Variants in TCF4 observed in about 807,000 individuals in gnomAD.
The protein encoded by TCF4 is transcription factor 4.
In TCF4, 3 loss-of-function variants were observed where a neutral mutation model predicts 82.1. The ratio of observed to expected loss-of-function variants is 0.04; its 90% confidence interval spans 0.02 to 0.09. The LOEUF (loss-of-function observed/expected upper bound fraction) is 0.09. TCF4 is among the 10% of genes least tolerant of loss of function. The probability of loss-of-function intolerance (pLI) is 1.00; values close to 1 mark genes in which losing one functional copy is unlikely to be tolerated. For missense variants in TCF4, 518 were observed against 852.7 expected (o/e 0.61, Z 4.89); for synonymous variants, 276 against 309.6 (o/e 0.89, Z 1.14).
rs2046771637 is a variant in TCF4, at chr18:55,227,685, T to C, written c.*350A>G. The C allele has an allele frequency of 6.6e-6, 1 of 152,512 alleles. No homozygotes were observed. Among genetic ancestry groups the C allele is most frequent in the Non-Finnish European group, 1.5e-5 (1 of 68,026 alleles). The allele number at this position is 152,512 out of a possible 1,614,324, so 9.4% of individuals were successfully genotyped here. A position where few individuals can be genotyped will look rare whatever the true frequency, so the allele number is the denominator to read the frequency against. ...GACTTACAAATTAATTATATTTTTT[T>C]TTTCCAAAAGAAGTTTAGGCACAAA... On this transcript the variant is annotated 3_prime_UTR_variant, in exon 20 of 20. Coordinates refer to ENST00000354452, the MANE Select transcript of TCF4 (RefSeq NM_001083962.2).
At chr18:55,569,949 C>G (rs2097446548) in intron 3 of TCF4, among the ~76,000 whole-genome samples, 1 of 152,038 alleles carries the variant, frequency 6.6e-6, no homozygotes, top group Admixed American at 6.6e-5. Flanking sequence ...AGCCCAAAGT[C>G]AAATGTGTAC....
chr18:55,239,346 T>C (rs899228605), intron 15 of TCF4, among the ~76,000 whole-genome samples: 1 of 152,146 alleles, frequency 6.6e-6, no homozygotes, highest in Non-Finnish European at 1.5e-5. Context: ...CCAAGAATGG[T>C]GAAGTGACTT....
At chr18:55,344,795 G>A (rs1218055052) in intron 8 of TCF4, among the ~76,000 whole-genome samples, 1 of 152,140 alleles carries the variant, frequency 6.6e-6, no homozygotes, top group East Asian at 1.9e-4. Flanking sequence ...CTTTCTGGGG[G>A]AAGGAATGAA....
chr18:55,412,680 G>A (rs2094396283), intron 5 of TCF4, among the ~76,000 whole-genome samples: 1 of 152,162 alleles, frequency 6.6e-6, no homozygotes, highest in Non-Finnish European at 1.5e-5. Context: ...GGAGATGGGT[G>A]ACATTTCTGG....
At chr18:55,629,693 A>G (rs2097729801) in intron 2 of TCF4, among the ~76,000 whole-genome samples, 2 of 152,224 alleles carry the variant, frequency 1.3e-5, no homozygotes. Flanking sequence ...TAGAAACTAC[A>G]AAGCTGTTCT....
At chr18:55,351,296 TA>T (rs1226091529) in intron 6 of TCF4, 4 of 356,356 alleles carry the variant, frequency 1.1e-5, no homozygotes, top group African/African-American at 8.6e-5. Flanking sequence ...AAATGGCATT[TA>T]TATAAGACTA....
At chr18:55,536,330 T>C (rs2097114210) in intron 3 of TCF4, among the ~76,000 whole-genome samples, 1 of 152,238 alleles carries the variant, frequency 6.6e-6, no homozygotes, top group Non-Finnish European at 1.5e-5. Flanking sequence ...CGTACATTCA[T>C]ATTTAACAAC....
intron 6 of TCF4, among the ~76,000 whole-genome samples, chr18:55,391,164 A>T (rs945282441): frequency 6.6e-6 from 1 of 152,170 alleles, no homozygotes; most frequent in Admixed American, 6.5e-5. Flanking sequence ...CACTCTACAC[A>T]TGACAGTTCT....
chr18:55,350,025 T>C (rs1412884943), intron 8 of TCF4, among the ~76,000 whole-genome samples: 1 of 152,186 alleles, frequency 6.6e-6, no homozygotes. Flanking sequence ...ATCATAATAC[T>C]GACAAAGAAT....
intron 2 of TCF4, among the ~76,000 whole-genome samples, chr18:55,627,952 C>T (rs768420669): frequency 1.3e-5 from 2 of 151,930 alleles, no homozygotes; most frequent in Admixed American, 6.6e-5. Flanking sequence ...CCCAGCTACT[C>T]GGGAGACTGA....
intron 6 of TCF4, among the ~76,000 whole-genome samples, chr18:55,400,036 C>G (rs897661297): frequency 2.0e-5 from 3 of 151,792 alleles, no homozygotes; most frequent in African/African-American, 4.8e-5. Context: ...GAAGTAATAA[C>G]AAGTATTTGT....
chr18:55,345,978 T>C (rs1011042337), intron 8 of TCF4, among the ~76,000 whole-genome samples: 7 of 152,192 alleles, frequency 4.6e-5, no homozygotes, highest in Admixed American at 4.6e-4. Context: ...AAAAACAGTT[T>C]ACCAATATCT....
chr18:55,232,659 C>A lies in TCF4; in HGVS notation c.1499G>T (p.Gly500Val), dbSNP rs2048222745. ...PQDPYRGMPP[G>V]LQGQSVSSGS... Reference sequence around the variant, plus strand: ...AGAGGAGACACTCTGCCCCTGTAGTCCTGGTGGCATGCCTGCCGAAAAAGA... The same window carrying A: ...AGAGGAGACACTCTGCCCCTGTAGTACTGGTGGCATGCCTGCCGAAAAAGA... Residue 500 changes from glycine (G) to valine (V), a missense_variant, in exon 17 of 20, where the codon GGA becomes GTA. Physicochemically the swap from Gly to Val is moderately radical, Grantham distance 109. Around this residue, in one of 7 missense-constraint regions of TCF4, gnomAD observed 144 missense variants for 190.2 expected, o/e 0.76. Coordinates refer to ENST00000354452, the MANE Select transcript of TCF4 (RefSeq NM_001083962.2). 9 of 1,614,188 alleles carry A rather than the reference C, an allele frequency of 5.6e-6. No homozygotes were observed. The highest frequency in any genetic ancestry group is 7.6e-6 in the Non-Finnish European group (9 of 1,180,024).
intron 5 of TCF4, among the ~76,000 whole-genome samples, chr18:55,414,532 T>C (rs2094461040): frequency 6.6e-6 from 1 of 152,204 alleles, no homozygotes; most frequent in Admixed American, 6.5e-5. Context: ...ATTTCAGAGA[T>C]ACACAGAAAT....
At chr18:55,229,371 G>A in intron 17 of TCF4, 6 of 453,590 alleles carry the variant, frequency 1.3e-5, no homozygotes, top group South Asian at 1.1e-4. Context: ...GGCAGAAAGG[G>A]AAAACAAAGC....
chr18:55,236,287 A>G (rs902691262), intron 15 of TCF4, among the ~76,000 whole-genome samples: 1 of 152,108 alleles, frequency 6.6e-6, no homozygotes, highest in African/African-American at 2.4e-5. Context: ...GCAACACAGA[A>G]CTTTCTGAAT....
intron 3 of TCF4, among the ~76,000 whole-genome samples, chr18:55,489,678 C>T (rs1603575546): frequency 6.6e-6 from 1 of 152,302 alleles, no homozygotes. Flanking sequence ...AGGCAATCTG[C>T]ATCCTGAACA....
intron 2 of TCF4, among the ~76,000 whole-genome samples, chr18:55,617,362 AAGTGTG>A (rs1158148531): frequency 6.6e-6 from 1 of 152,146 alleles, no homozygotes; most frequent in Non-Finnish European, 1.5e-5. Context: ...TGAAATCAGA[AAGTGTG>A]ATGCCTCCAA....
chr18:55,457,254 C>T (rs947039182), intron 5 of TCF4, among the ~76,000 whole-genome samples: 74 of 152,264 alleles, frequency 4.9e-4, no homozygotes, highest in African/African-American at 1.7e-3. Flanking sequence ...ACCACTAAAA[C>T]CCTGTATGAC....
Sources: gnomAD v4.1 joint callset for allele counts (sites outside exome capture counted in the v4.1 genomes callset) on GRCh38, gnomAD v4.1.1 for gene constraint, gnomAD v4.1.1 regional missense constraint, MANE v1.5 for transcripts, NCBI Gene and HGNC (gene_info 2026-07-23, HGNC 2026-07-21) for gene names.